FAM107A: variants seen among roughly 807,000 people sequenced by gnomAD.
FAM107A encodes the protein actin-associated protein FAM107A.
In FAM107A, 19 loss-of-function variants were observed where a neutral mutation model predicts 13.7. The ratio of observed to expected loss-of-function variants is 1.38; its 90% CI spans 0.97 to 2.03. FAM107A has a LOEUF of 2.03. Among genes scored for constraint, FAM107A ranks in the 30% most tolerant of loss-of-function variants. The pLI is 0.00. For missense variants in FAM107A, 203 were observed against 184.4 expected (o/e 1.10, Z -0.58); for synonymous variants, 82 against 74.5 (o/e 1.10, Z -0.52).
intron 1 of FAM107A, among the ~76,000 whole-genome samples, chr3:58,598,771 C>T (rs2065727842): frequency 6.6e-6 from 1 of 152,118 alleles, no homozygotes; most frequent in African/African-American, 2.4e-5. Flanking sequence ...TTTTCTGCAG[C>T]TTCCTTTTTA....
chr3:58,576,265 C>T (rs1336500513), intron 1 of FAM107A, among the ~76,000 whole-genome samples: 1 of 152,204 alleles, frequency 6.6e-6, no homozygotes, highest in Non-Finnish European at 1.5e-5. Flanking sequence ...GCCTCAGGTC[C>T]GTTGCAACTT....
chr3:58,610,828 C>G (rs111264193), intron 1 of FAM107A, among the ~76,000 whole-genome samples: 1 of 152,208 alleles, frequency 6.6e-6, no homozygotes, highest in South Asian at 2.1e-4. Flanking sequence ...TTGGCTGCTT[C>G]ACACCAGATA....
chr3:58,626,697 T>C (rs1552306), intron 1 of FAM107A, among the ~76,000 whole-genome samples: 148,674 of 152,278 alleles, frequency 0.98, 72,682 homozygotes, highest in East Asian at 1. Flanking sequence ...GGAGCTTTTA[T>C]TCAGGGAAGT....
Position 58,626,821 on chromosome 3 carries a change from A to G in FAM107A, c.-70+595T>C, listed in dbSNP as rs558387431. 3.2e-5 allele frequency: 23 copies of G among 714,184 alleles called. No homozygotes were observed. In the East Asian group the frequency reaches 5.7e-4, roughly 18 times the overall value. 44.2% of individuals were successfully genotyped at this position (714,184 alleles called of 1,614,324 possible). A position where few individuals can be genotyped will look rare whatever the true frequency, so the allele number is the denominator to read the frequency against. ...TTCCCTGAGCCCTTGCCTGCTTTCT[A>G]GATGCAAGTCTTGGCTGTGAGTTCC... On this transcript the variant is annotated intron_variant, in intron 1 of 3. Coordinates refer to the FAM107A transcript ENST00000465970.
At chr3:58,615,945 C>T (rs1559487369) in intron 1 of FAM107A, among the ~76,000 whole-genome samples, 1 of 146,704 alleles carries the variant, frequency 6.8e-6, no homozygotes, top group Non-Finnish European at 1.5e-5. Flanking sequence ...GAGCTGAAAC[C>T]AGAAGGAGTC....
chr3:58,591,536 C>T (rs2065654522), upstream of FAM107A, among the ~76,000 whole-genome samples: 1 of 152,200 alleles, frequency 6.6e-6, no homozygotes, highest in African/African-American at 2.4e-5. The surrounding 1 kb of genome is among the most constrained non-coding windows in gnomAD (Gnocchi z 4.3). Flanking sequence ...TGAGAACTCT[C>T]TGGGTTCCCT....
At chr3:58,621,472 G>A (rs2065954515) in intron 1 of FAM107A, among the ~76,000 whole-genome samples, 1 of 152,260 alleles carries the variant, frequency 6.6e-6, no homozygotes, top group South Asian at 2.1e-4. Context: ...GACTTGCTAT[G>A]GACAAAGTGA....
At chr3:58,602,416 T>C (rs920548085) in intron 1 of FAM107A, among the ~76,000 whole-genome samples, 13 of 152,202 alleles carry the variant, frequency 8.5e-5, no homozygotes, top group Admixed American at 3.3e-4. Context: ...TTGAAAGCCC[T>C]ACAAACCAGG....
chr3:58,586,285 A>T (rs531736200), intron 1 of FAM107A, among the ~76,000 whole-genome samples: 2 of 152,234 alleles, frequency 1.3e-5, no homozygotes, highest in Admixed American at 1.3e-4. Flanking sequence ...AGGAGGTGGA[A>T]CCTCACAGGA....
At chr3:58,589,179 C>A (rs755677022), upstream of FAM107A, 24 of 1,471,776 alleles carry the variant, frequency 1.6e-5, no homozygotes, top group South Asian at 2.9e-4. Context: ...CTGGCCGCAC[C>A]CAGGAATTCT....
chr3:58,594,663 GT>G (rs1317471747), intron 1 of FAM107A, among the ~76,000 whole-genome samples: 9 of 152,218 alleles, frequency 5.9e-5, no homozygotes, highest in African/African-American at 2.2e-4. Context: ...CAGCTTCCTG[GT>G]CCCCTGATGA....
intron 1 of FAM107A, among the ~76,000 whole-genome samples, chr3:58,614,505 T>C (rs975580856): frequency 7.0e-6 from 1 of 142,628 alleles, no homozygotes; most frequent in Non-Finnish European, 1.5e-5. Flanking sequence ...TTTCTTTCTT[T>C]CTTTTTTTTT....
intron 1 of FAM107A, among the ~76,000 whole-genome samples, chr3:58,602,316 C>T (rs1298554481): frequency 6.6e-6 from 1 of 152,110 alleles, no homozygotes; most frequent in Non-Finnish European, 1.5e-5. Flanking sequence ...TAACGATACT[C>T]AGTGTTGGAG....
intron 1 of FAM107A, chr3:58,573,389 A>T (rs1224407177): frequency 6.6e-6 from 1 of 152,298 alleles, no homozygotes; most frequent in Non-Finnish European, 1.5e-5. Context: ...ACTACTCAAT[A>T]AAGCACAGGT....
chr3:58,570,609 GAGAGAGAGAGAGAGA>G (rs2063672874), intron 1 of FAM107A, among the ~76,000 whole-genome samples: 1 of 146,950 alleles, frequency 6.8e-6, no homozygotes, highest in Admixed American at 6.8e-5. Flanking sequence ...GAGAGAGAGA[GAGAGAGAGAGAGAGA>G]GAGAGAGAGA....
intron 1 of FAM107A, among the ~76,000 whole-genome samples, chr3:58,602,606 A>G (rs1295098645): frequency 6.6e-6 from 1 of 152,218 alleles, no homozygotes; most frequent in African/African-American, 2.4e-5. Flanking sequence ...ATACAATGTA[A>G]CAGTCTGTGG....
chr3:58,576,523 A>T (rs917366648), intron 1 of FAM107A, among the ~76,000 whole-genome samples: 1 of 152,212 alleles, frequency 6.6e-6, no homozygotes, highest in Admixed American at 6.5e-5. Context: ...CAGAACTAAG[A>T]GGGCCACTCA....
At chr3:58,580,411 ATT>A (rs35805159), upstream of FAM107A, among the ~76,000 whole-genome samples, 899 of 88,984 alleles carry the variant, frequency 0.01, 8 homozygotes, top group African/African-American at 0.036. Context: ...AGGAATCTGG[ATT>A]TTTTTTTTTT....
At chr3:58,618,799 A>C (rs1465676176) in intron 1 of FAM107A, among the ~76,000 whole-genome samples, 2 of 134,122 alleles carry the variant, frequency 1.5e-5, no homozygotes, top group African/African-American at 5.9e-5. Context: ...GTGTTGGGGC[A>C]GGGGGTGAAG....
Sources: allele counts gnomAD v4.1 joint callset (sites outside exome capture counted in the v4.1 genomes callset), GRCh38; gene constraint gnomAD v4.1.1; non-coding constraint Gnocchi (gnomAD v3.1); transcripts MANE v1.5; gene names NCBI Gene and HGNC (gene_info 2026-07-23, HGNC 2026-07-21).